YES1: variants seen among roughly 807,000 people sequenced by gnomAD.
YES1 encodes the protein YES proto-oncogene 1, Src family tyrosine kinase, also known as tyrosine-protein kinase Yes.
In YES1, 39 loss-of-function variants were observed where a neutral mutation model predicts 70.4. That is an observed-to-expected ratio of 0.55 (90% confidence interval 0.43 to 0.72). The LOEUF (loss-of-function observed/expected upper bound fraction) is 0.72. YES1 is among the 30% of genes least tolerant of loss of function. YES1 has a pLI of 0.00. For missense variants in YES1, 495 were observed against 644.8 expected, an observed-to-expected ratio of 0.77 and a Z score of 2.52; for synonymous variants, 198 against 218.6, an observed-to-expected ratio of 0.91 and a Z score of 0.83.
intron 1 of YES1, among the ~76,000 whole-genome samples, chr18:800,894 T>A (rs964471279): frequency 7.2e-5 from 11 of 152,138 alleles, no homozygotes; most frequent in Admixed American, 2.0e-4. Flanking sequence ...ACGACTGTAA[T>A]CCCAGCACTT....
At chr18:781,209 C>T (rs1453355717) in intron 1 of YES1, among the ~76,000 whole-genome samples, 1 of 145,904 alleles carries the variant, frequency 6.9e-6, no homozygotes, top group Admixed American at 7.2e-5. Flanking sequence ...ATGGAGGTTG[C>T]AGTGAGCCGA....
intron 1 of YES1, among the ~76,000 whole-genome samples, chr18:809,410 G>C (rs1423937304): frequency 6.6e-6 from 1 of 151,672 alleles, no homozygotes; most frequent in African/African-American, 2.4e-5. Flanking sequence ...AGCGATTCTC[G>C]TGCCTCAGCC....
Position 741,096 on chromosome 18 carries a change from C to A in YES1, c.1061-1285G>T, listed in dbSNP as rs925665353. On this transcript the variant is annotated intron_variant, in intron 8 of 11. Transcript: ENST00000314574. ...TATTTTTAGCAGAGACGGGGTTTCG[C>A]TATGTTGGCCAGGCTGGGATCGAAC... 3.3e-5 allele frequency among the ~76,000 whole-genome samples: 5 copies of A among 152,010 alleles called. No individual in the cohort carries two copies. In the South Asian group the frequency reaches 6.2e-4, roughly 19 times the overall value.
At chr18:725,831 C>T (rs535644600) in intron 11 of YES1, among the ~76,000 whole-genome samples, 32 of 152,218 alleles carry the variant, frequency 2.1e-4, no homozygotes, top group African/African-American at 7.5e-4. Flanking sequence ...TTGCAGTGAG[C>T]CGAGATTGCG....
chr18:733,639 T>C (rs773292050), intron 10 of YES1, among the ~76,000 whole-genome samples: 14 of 151,568 alleles, frequency 9.2e-5, no homozygotes, highest in Non-Finnish European at 1.6e-4. Context: ...AAAAATTAGC[T>C]GGGCGAGGTG....
At chr18:727,027 A>C (rs1210952017) in intron 11 of YES1, among the ~76,000 whole-genome samples, 9 of 152,120 alleles carry the variant, frequency 5.9e-5, no homozygotes, top group East Asian at 1.9e-4. Context: ...TCGTCAAAGA[A>C]AGACAATGAA....
At chr18:777,293 T>C (rs185892698) in intron 1 of YES1, among the ~76,000 whole-genome samples, 1 of 152,326 alleles carries the variant, frequency 6.6e-6, no homozygotes, top group Admixed American at 6.5e-5. Flanking sequence ...AAGACATTCA[T>C]TTAATTTTGT....
In YES1 at chr18:732,922, C is replaced by A; in HGVS notation, c.1335G>T (p.Leu445=). The stretch of plus-strand genomic sequence containing the variant: ...CAGACTTTATTGTAAACCGACCATA[C>A]AGTGCAGCTTCAGGAGCTGTCCATT... ...PIKWTAPEAA[L]YGRFTIKSDV... Residue 445 remains leucine (L), a synonymous_variant, in exon 11 of 12, where the codon CTG becomes CTT. Coordinates refer to ENST00000314574, the MANE Select transcript of YES1 (RefSeq NM_005433.4). The A allele has an allele frequency of 6.2e-7, 1 of 1,614,150 alleles. No individual in the cohort carries two copies. Among genetic ancestry groups the A allele is most frequent in the Non-Finnish European group, 8.5e-7 (1 of 1,180,034 alleles).
At chr18:725,883 C>T (rs889300809) in intron 11 of YES1, among the ~76,000 whole-genome samples, 9 of 151,980 alleles carry the variant, frequency 5.9e-5, no homozygotes, top group African/African-American at 1.9e-4. Flanking sequence ...GACTCCATCT[C>T]GCGGGGTGGG....
At position 722,784 on chromosome 18, in the gene YES1, A is replaced by G. The variant is rs2079968109; in HGVS notation, c.*1640T>C. The G allele has an allele frequency of 6.6e-6, 1 of 152,200 alleles. No individual in the cohort carries two copies. Among genetic ancestry groups the G allele is most frequent in the Non-Finnish European group, 1.5e-5 (1 of 68,042 alleles). 9.4% of individuals were successfully genotyped at this position (152,200 alleles called of 1,614,324 possible). A position where few individuals can be genotyped will look rare whatever the true frequency, so the allele number is the denominator to read the frequency against. On this transcript the variant is annotated 3_prime_UTR_variant, in exon 12 of 12. Transcript: ENST00000314574. ...TTCTAAAAGGGAAAAAATGACCACC[A>G]TTACATAGACTTTAGAAGTGAATGT...
rs1416832286 is a variant in YES1 at position 723,822 on chromosome 18, T to C, written c.*602A>G. ...GCATTATACTTTCAAATTCCACTTC[T>C]GTGGTCTAACATTTAATCAAGTTTG... On this transcript the variant is annotated 3_prime_UTR_variant, in exon 12 of 12. Transcript: ENST00000314574. 1 of 153,230 alleles carries C rather than the reference T, an allele frequency of 6.5e-6. No homozygotes were observed. The highest frequency in any genetic ancestry group is 6.5e-5 in the Admixed American group (1 of 15,366). 9.5% of individuals were successfully genotyped at this position (153,230 alleles called of 1,614,324 possible).
intron 1 of YES1, among the ~76,000 whole-genome samples, chr18:809,619 TATAC>T (rs1369817405): frequency 1.3e-5 from 2 of 152,166 alleles, no homozygotes; most frequent in Non-Finnish European, 2.9e-5. Flanking sequence ...TCAAAGTAGT[TATAC>T]ATACAGCTGG....
intron 1 of YES1, among the ~76,000 whole-genome samples, chr18:757,803 C>A (rs930731209): frequency 3.3e-5 from 5 of 150,254 alleles, no homozygotes; most frequent in Admixed American, 6.7e-5. Context: ...GCCTGGGTGA[C>A]AGAGTAAGAC....
At chr18:812,354 A>G (rs1456396312), upstream of YES1, 2 of 143,406 alleles carry the variant, frequency 1.4e-5, no homozygotes, top group Non-Finnish European at 3.1e-5. Flanking sequence ...CCGCCCCCTG[A>G]CTTCTAGCGG....
At chr18:777,273 T>C (rs1315218682) in intron 1 of YES1, among the ~76,000 whole-genome samples, 1 of 152,198 alleles carries the variant, frequency 6.6e-6, no homozygotes, top group Non-Finnish European at 1.5e-5. Context: ...TTGTTTTATA[T>C]ATGTATATAA....
intron 1 of YES1, among the ~76,000 whole-genome samples, chr18:769,288 G>A (rs552475327): frequency 1.3e-5 from 2 of 152,152 alleles, no homozygotes; most frequent in East Asian, 1.9e-4. Context: ...TGTATATTAC[G>A]TTCTTGTGAC....
chr18:795,178 T>C (rs757571962), intron 1 of YES1, among the ~76,000 whole-genome samples: 1 of 152,220 alleles, frequency 6.6e-6, no homozygotes, highest in Non-Finnish European at 1.5e-5. Flanking sequence ...AACTGTATTA[T>C]ACTGATGTTG....
Position 745,619 on chromosome 18 carries a change from T to C in YES1, c.724+89A>G, listed in dbSNP as rs1598900544. 4.6e-6 allele frequency: 6 copies of C among 1,292,226 alleles called. No individual in the cohort carries two copies. The East Asian group carries it at 1.4e-4, about 30-fold the overall frequency. 80.0% of individuals were successfully genotyped at this position (1,292,226 alleles called of 1,614,324 possible). A position where few individuals can be genotyped will look rare whatever the true frequency, so the allele number is the denominator to read the frequency against. On this transcript the variant is annotated intron_variant, in intron 6 of 11. Coordinates refer to ENST00000314574, the MANE Select transcript of YES1 (RefSeq NM_005433.4). ...CATGTATTATGTGTAAATAAGTGTG[T>C]TAAATCTTAAGAGAAATGAGGATAT...
chr18:760,467 C>T (rs1220501385), intron 1 of YES1, among the ~76,000 whole-genome samples: 2 of 151,874 alleles, frequency 1.3e-5, no homozygotes, highest in Non-Finnish European at 2.9e-5. Context: ...GAGATTCTGT[C>T]TAAAAAAAAC....
Sources: allele counts gnomAD v4.1 joint callset (sites outside exome capture counted in the v4.1 genomes callset), GRCh38; gene constraint gnomAD v4.1.1; transcripts MANE v1.5; gene names NCBI Gene and HGNC (gene_info 2026-07-23, HGNC 2026-07-21).